NOB1: variants seen among roughly 807,000 people sequenced by gnomAD.
NOB1 encodes NIN1 (RPN12) binding protein 1 homolog.
NOB1 carries 44 observed loss-of-function variants against 44.8 expected under a neutral mutation model. The observed-to-expected ratio is 0.98, with a 90% CI of 0.77 to 1.26. The LOEUF (loss-of-function observed/expected upper bound fraction) is 1.26, where lower values mean the gene tolerates loss of function less well. NOB1 is among the 50% of genes most tolerant of loss of function. The pLI is 0.00. For missense variants in NOB1, 560 were observed against 544.8 expected (o/e 1.03, Z -0.28); for synonymous variants, 238 against 218.7 (o/e 1.09, Z -0.78).
At chr16:69,748,357 A>C (rs1567643113) in intron 6 of NOB1, 28 bp from the exon 7 acceptor site, 1 of 1,583,786 alleles carries the variant, frequency 6.3e-7, no homozygotes, top group Admixed American at 1.7e-5. Flanking sequence ...AGAAGAAATC[A>C]ATTTTCTTTT....
At chr16:69,745,161 T>G (rs977565597) in intron 7 of NOB1, 144 bp from the exon 8 acceptor site, 2 of 817,410 alleles carry the variant, frequency 2.4e-6, no homozygotes, top group African/African-American at 3.4e-5. Flanking sequence ...CGGAGGCCAC[T>G]GAAGCTGTCA....
rs1483739204 is a variant in NOB1 at position 69,749,085 on chromosome 16, C to G, written c.559G>C (p.Glu187Gln). The change falls in exon 6 of 9, where the codon GAG becomes CAG. Residue 187 changes from glutamate to glutamine, a missense_variant. Coordinates refer to ENST00000268802, the MANE Select transcript of NOB1 (RefSeq NM_014062.3). The part of the protein sequence containing the change: ...DRGEDVPSEE[E>Q]EEEENGFEDR... ...TCAAACCCGTTTTCTTCCTCCTCCT[C>G]CTCCTCACTTGGAACGTCCTCACCT... 27 of 1,614,280 alleles carry G rather than the reference C, an allele frequency of 1.7e-5. No homozygotes were observed. Among genetic ancestry groups the G allele is most frequent in the Non-Finnish European group, 2.3e-5 (27 of 1,180,050 alleles).
chr16:69,750,946 G>A (rs1162399870), intron 3 of NOB1, among the ~76,000 whole-genome samples: 1 of 152,162 alleles, frequency 6.6e-6, no homozygotes, highest in Non-Finnish European at 1.5e-5. Context: ...TAGACAATGG[G>A]TGCAGGCACA....
rs573919362 is a variant in NOB1 at position 69,743,071 on chromosome 16, T to G, written c.970-470A>C. Among the ~76,000 whole-genome samples the G allele has an allele frequency of 1.4e-4, 22 of 152,236 alleles. 1 individual carries two copies. In the South Asian group the frequency reaches 4.6e-3, roughly 32 times the overall value. On this transcript the variant is annotated intron_variant, in intron 8 of 8. Coordinates refer to ENST00000268802, the MANE Select transcript of NOB1 (RefSeq NM_014062.3). ...GATGGCTGAGTCTCTGGGAACTTCT[T>G]GTTGTGCCATAAAGTTTGACAGACC...
chr16:69,747,566 G>A (rs2038443865), intron 7 of NOB1, among the ~76,000 whole-genome samples: 1 of 151,838 alleles, frequency 6.6e-6, no homozygotes, highest in Non-Finnish European at 1.5e-5. Flanking sequence ...ATCAATTCAT[G>A]GCCAGTCTTA....
Position 69,754,895 on chromosome 16 carries a change from G to C in NOB1, c.16C>G (p.His6Asp), listed in dbSNP as rs371086568. 3.1e-6 allele frequency: 5 copies of C among 1,591,758 alleles called. No individual in the cohort carries two copies. The South Asian group carries it at 5.6e-5, about 18-fold the overall frequency. The change falls in exon 1 of 9, where the codon CAC (histidine) becomes GAC (aspartate). Residue 6 changes from histidine to aspartate, a missense_variant. Coordinates refer to ENST00000268802, the MANE Select transcript of NOB1 (RefSeq NM_014062.3). ...AAAGCCCCAGCATCCGCCACAACGT[G>C]CTCCACTGGAGCCATGTTGGCTGCG... MAPVEHVVADAGAFLR... is the reference protein window; with the variant it reads MAPVEDVVADAGAFLR...
At chr16:69,744,570 C>A (rs182197043) in intron 8 of NOB1, among the ~76,000 whole-genome samples, 4 of 152,242 alleles carry the variant, frequency 2.6e-5, no homozygotes, top group African/African-American at 7.2e-5. Context: ...TTCCTCTCTG[C>A]GTCATGGGCT....
intron 7 of NOB1, among the ~76,000 whole-genome samples, chr16:69,747,883 C>A (rs915267107): frequency 1.3e-5 from 2 of 152,052 alleles, no homozygotes; most frequent in Non-Finnish European, 1.5e-5. Flanking sequence ...AGTGGCCAGG[C>A]GTGGTGGCTC....
chr16:69,744,617 A>C (rs540315476), intron 8 of NOB1, among the ~76,000 whole-genome samples: 1 of 151,960 alleles, frequency 6.6e-6, no homozygotes, highest in South Asian at 2.1e-4. Flanking sequence ...TCCTGCACAA[A>C]TCTAACCTCC....
rs775032781 is a variant in NOB1, at chr16:69,754,724, G to A, written c.66C>T (p.Asp22=). Residue 22 remains aspartate (D), a splice_region_variant and synonymous_variant, in exon 2 of 9, where the codon GAC becomes GAT. Coordinates refer to ENST00000268802, the MANE Select transcript of NOB1 (RefSeq NM_014062.3). The part of the protein sequence containing the change: ...GAFLRHAALQ[D]IGKNIYTIRE... ...GGATGGTGTAAATGTTCTTCCCGAT[G>A]TCCTGCGGACAGAACGCCCCAGCTC... 1.2e-5 allele frequency: 19 copies of A among 1,614,160 alleles called. No individual in the cohort carries two copies. Among genetic ancestry groups the A allele is most frequent in the Non-Finnish European group, 1.5e-5 (18 of 1,180,046 alleles).
At chr16:69,749,683 A>AT in intron 3 of NOB1, 53 bp from the exon 4 acceptor site, 3 of 1,421,620 alleles carry the variant, frequency 2.1e-6, no homozygotes, top group Non-Finnish European at 2.9e-6. Flanking sequence ...AAAGATATCC[A>AT]GTTTTTTTTT....
rs780600750 is a variant in NOB1, at chr16:69,749,378, T to C, written c.400-40A>G. 5.1e-6 allele frequency: 8 copies of C among 1,581,832 alleles called. No homozygotes were observed. In the African/African-American group the frequency reaches 1.1e-4, roughly 22 times the overall value. ...AACAATTTTAAAACCTGAAAATTCA[T>C]CTGTAGCCACCTCTCAGGTCACAGA... is the stretch of plus-strand genomic sequence containing the variant. On this transcript the variant is annotated intron_variant, in intron 4 of 8. Coordinates refer to ENST00000268802, the MANE Select transcript of NOB1 (RefSeq NM_014062.3).
At chr16:69,746,917 CCCAAAAA>C (rs2038436539) in intron 7 of NOB1, among the ~76,000 whole-genome samples, 3 of 150,590 alleles carry the variant, frequency 2.0e-5, no homozygotes, top group South Asian at 2.1e-4. Context: ...AACAAAAAAC[CCCAAAAA>C]CCAAAAACAA....
At chr16:69,744,390 C>T (rs2038411025) in intron 8 of NOB1, among the ~76,000 whole-genome samples, 2 of 152,182 alleles carry the variant, frequency 1.3e-5, no homozygotes, top group Non-Finnish European at 2.9e-5. Context: ...AAAATTATTT[C>T]AAAATTGAAA....
intron 2 of NOB1, among the ~76,000 whole-genome samples, chr16:69,752,802 G>T (rs564377518): frequency 2.0e-5 from 3 of 151,702 alleles, no homozygotes; most frequent in Non-Finnish European, 4.4e-5. Context: ...GTGTGGTAGC[G>T]GGGGGGCCTG....
At chr16:69,748,511 ACC>A (rs2038452981) in intron 6 of NOB1, among the ~76,000 whole-genome samples, 182 bp from the exon 7 acceptor site, 1 of 152,100 alleles carries the variant, frequency 6.6e-6, no homozygotes, top group East Asian at 1.9e-4. Context: ...TCTTTCTAAC[ACC>A]GTCCTGGAGC....
chr16:69,749,893 C>T (rs902633086), intron 3 of NOB1, among the ~76,000 whole-genome samples: 1 of 151,114 alleles, frequency 6.6e-6, no homozygotes, highest in Admixed American at 6.6e-5. Context: ...CAGGAGAATT[C>T]CTTGAAACCG....
intron 3 of NOB1, 86 bp downstream of exon 3, chr16:69,752,155 G>A (rs2038487960): frequency 3.9e-6 from 5 of 1,267,846 alleles, no homozygotes; most frequent in Non-Finnish European, 5.7e-6. Context: ...TGGGAACCCT[G>A]GGTCCATTAC....
At chr16:69,745,844 T>C (rs1344316366) in intron 7 of NOB1, among the ~76,000 whole-genome samples, 1 of 152,202 alleles carries the variant, frequency 6.6e-6, no homozygotes, top group Non-Finnish European at 1.5e-5. Context: ...TCATAACAAG[T>C]GTTGGGACCT....
Sources: allele counts gnomAD v4.1 joint callset (sites outside exome capture counted in the v4.1 genomes callset), GRCh38; gene constraint gnomAD v4.1.1; transcripts MANE v1.5; gene names NCBI Gene and HGNC (gene_info 2026-07-23, HGNC 2026-07-21).